The following CNGA2 variants were observed in gnomAD, a reference collection of about 807,000 sequenced individuals.
CNGA2 encodes cyclic nucleotide-gated channel alpha-2.
Under a neutral mutation model 35.9 loss-of-function variants are expected in CNGA2, and 22 were observed. That is an observed-to-expected ratio of 0.61 (90% CI 0.44 to 0.88). The LOEUF (loss-of-function observed/expected upper bound fraction) is 0.88, where lower values mean the gene tolerates loss of function less well. Ranked by LOEUF, CNGA2 falls within the 40% of genes least tolerant of loss-of-function variation. The pLI is 0.00. For missense variants in CNGA2, 555 were observed against 530.8 expected, an observed-to-expected ratio of 1.05 and a Z score of -0.45; for synonymous variants, 217 against 209.2, an observed-to-expected ratio of 1.04 and a Z score of -0.32.
In CNGA2 at chrX:151,743,412, G is replaced by A. The variant is rs1418730004; in HGVS notation, c.909G>A (p.Gly303=). ...CCATCTCCAAATCCATAGGCTTTGG[G>A]GTCGACACCTGGGTTTACCCAAACA... ...YYAISKSIGF[G]VDTWVYPNIT... The change falls in exon 7 of 7, where the codon GGG becomes GGA. Residue 303 remains glycine (G), a synonymous_variant. Transcript: ENST00000329903. 2 of 1,209,862 alleles carry A rather than the reference G, an allele frequency of 1.7e-6. No homozygotes were observed. Among genetic ancestry groups the A allele is most frequent in the South Asian group, 3.5e-5 (2 of 56,834 alleles).
rs771999167 is a variant in CNGA2 at position 151,743,323 on chromosome X, C to T, written c.820C>T (p.Arg274Cys). 58 of 1,205,348 alleles carry T rather than the reference C, an allele frequency of 4.8e-5. No individual in the cohort carries two copies. The highest frequency in any genetic ancestry group is 6.2e-5 in the Non-Finnish European group (55 of 894,296). ...ETRTNYPNIFRISNLVLYILV... is the reference protein window; with the variant it reads ...ETRTNYPNIFCISNLVLYILV... ...ACGCACCAACTACCCTAACATCTTC[C>T]GCATCAGCAACCTTGTCCTCTACAT... Residue 274 changes from arginine to cysteine, a missense_variant, in exon 7 of 7, where the codon CGC becomes TGC. Physicochemically the swap from Arg to Cys is radical, Grantham distance 180. Coordinates refer to ENST00000329903, the MANE Select transcript of CNGA2 (RefSeq NM_005140.3).
intron 5 of CNGA2, among the ~76,000 whole-genome samples, chrX:151,741,329 C>T (rs2015303500): frequency 8.9e-6 from 1 of 111,977 alleles, no homozygotes; most frequent in African/African-American, 3.3e-5. Flanking sequence ...ATGCTGTTTC[C>T]TCTAGAGAAA....
Position 151,745,237 on chromosome X carries a change from G to T in CNGA2, c.*739G>T, listed in dbSNP as rs2015365258. On this transcript the variant is annotated 3_prime_UTR_variant, in exon 7 of 7. Transcript: ENST00000329903. ...TAAAGAGGCCCTGAAAACTGCTGGT[G>T]GTGGGGAGACTCTTCAAGTTAATAT... 8.9e-6 allele frequency: 1 copy of T among 112,109 alleles called. No homozygotes were observed. Among genetic ancestry groups the T allele is most frequent in the Non-Finnish European group, 1.9e-5 (1 of 53,211 alleles). 9.2% of individuals were successfully genotyped at this position (112,109 alleles called of 1,213,427 possible). A position where few individuals can be genotyped will look rare whatever the true frequency, so the allele number is the denominator to read the frequency against.
rs1264241957 is a variant in CNGA2 at position 151,743,519 on chromosome X, G to A, written c.1016G>A (p.Gly339Glu). Reference sequence around the variant, plus strand: ...TCCACACTGACTCTCACTACCATTGGGGAGACACCACCCCCTGTAAAGGAT... The same window carrying A: ...TCCACACTGACTCTCACTACCATTGAGGAGACACCACCCCCTGTAAAGGAT... Reference protein sequence around the residue: ...YWSTLTLTTIGETPPPVKDEE... With the variant: ...YWSTLTLTTIEETPPPVKDEE... Residue 339 changes from glycine (G) to glutamate (E), a missense_variant, in exon 7 of 7, where the codon GGG (glycine) becomes GAG (glutamate). Coordinates refer to ENST00000329903, the MANE Select transcript of CNGA2 (RefSeq NM_005140.3). 1 of 1,210,838 alleles carries A rather than the reference G, an allele frequency of 8.3e-7. No individual in the cohort carries two copies. The highest frequency in any genetic ancestry group is 1.1e-6 in the Non-Finnish European group (1 of 895,340).
chrX:151,744,295 CAGG>C lies in CNGA2; in HGVS notation c.1795_1797del (p.Glu599del), dbSNP rs758724218. On this transcript the variant is annotated inframe_deletion, in exon 7 of 7. Transcript: ENST00000329903. ...GGCAACCAGCATGGAGGTCGACGTG[CAGG>C]AGAAGCTAGGGCAGCTGGAGACCAA... 1 of 1,210,889 alleles carries C rather than the reference CAGG, an allele frequency of 8.3e-7. No homozygotes were observed. Among genetic ancestry groups the C allele is most frequent in the South Asian group, 1.8e-5 (1 of 56,879 alleles).
At position 151,740,137 on chromosome X, in the gene CNGA2, G is replaced by A. The variant is rs187252311; in HGVS notation, c.374+405G>A. Among the ~76,000 whole-genome samples the A allele has an allele frequency of 3.4e-4, 38 of 112,100 alleles. No homozygotes were observed. The South Asian group carries it at 6.0e-3, about 18-fold the overall frequency. ...TCATGTAGAGGGATGGAGGAGAAGC[G>A]CTGAATGATGGAGCAGGATAGCATG... On this transcript the variant is annotated intron_variant, in intron 4 of 6. Transcript: ENST00000329903.
chrX:151,735,742 A>G (rs145476416), intron 1 of CNGA2, among the ~76,000 whole-genome samples: 1,589 of 111,431 alleles, frequency 0.014, 29 homozygotes, highest in African/African-American at 0.05. Context: ...CAAGACAGAG[A>G]ACCTTTGTCA....
At chrX:151,736,251 C>G (rs2015246709) in intron 1 of CNGA2, among the ~76,000 whole-genome samples, 1 of 111,631 alleles carries the variant, frequency 9.0e-6, no homozygotes, top group South Asian at 3.8e-4. Context: ...TAATGTAAAC[C>G]CTGGTGATCA....
At position 151,739,741 on chromosome X, in the gene CNGA2, G is replaced by C; in HGVS notation, c.374+9G>C. ...GAGGACAAAGGCACCAAGTACAGCTGTTCAGCCTATGGGACTCAAATGGGC... is the reference window on the plus strand; with the variant it reads ...GAGGACAAAGGCACCAAGTACAGCTCTTCAGCCTATGGGACTCAAATGGGC... On this transcript the variant is annotated intron_variant, in intron 4 of 6. Coordinates refer to ENST00000329903, the MANE Select transcript of CNGA2 (RefSeq NM_005140.3). 1.7e-6 allele frequency: 2 copies of C among 1,209,604 alleles called. No homozygotes were observed. The highest frequency in any genetic ancestry group is 2.2e-6 in the Non-Finnish European group (2 of 894,207).
At chrX:151,736,416 C>T (rs951074878) in intron 1 of CNGA2, among the ~76,000 whole-genome samples, 2 of 111,712 alleles carry the variant, frequency 1.8e-5, no homozygotes, top group Non-Finnish European at 3.8e-5. Context: ...TTTGTGGGGA[C>T]AATCTACTCA....
chrX:151,736,402 G>A (rs192157913), intron 1 of CNGA2, among the ~76,000 whole-genome samples: 7 of 111,980 alleles, frequency 6.3e-5, no homozygotes, highest in Admixed American at 3.8e-4. Context: ...GAACTTTGAC[G>A]CTTTTTGTGG....
chrX:151,742,453 G>A (rs1377738291), intron 5 of CNGA2, 83 bp from the exon 6 acceptor site: 2 of 698,888 alleles, frequency 2.9e-6, no homozygotes, highest in Admixed American at 5.0e-5. Flanking sequence ...CCCAAGCCCT[G>A]CACACAGTGA....
In CNGA2 at chrX:151,738,497, C is replaced by G; in HGVS notation, c.14C>G (p.Thr5Ser). The change falls in exon 2 of 7, where the codon ACC (threonine) becomes AGC (serine). Residue 5 changes from threonine to serine, a missense_variant. Transcript: ENST00000329903. The stretch of plus-strand genomic sequence containing the variant: ...TGTACATGGAGGATGACCGAAAAAA[C>G]CAATGGTGTGAAGAGCTCCCCAGCC... MTEK[T>S]NGVKSSPANN... is the part of the protein sequence containing the mutation. 1 of 1,210,750 alleles carries G rather than the reference C, an allele frequency of 8.3e-7. No individual in the cohort carries two copies.
At position 151,742,573 on chromosome X, in the gene CNGA2, G is replaced by A. The variant is rs759102423; in HGVS notation, c.520G>A (p.Val174Met). 2.5e-6 allele frequency: 3 copies of A among 1,208,187 alleles called. No homozygotes were observed. Among genetic ancestry groups the A allele is most frequent in the African/African-American group, 1.8e-5 (1 of 56,667 alleles). Residue 174 changes from valine to methionine, a missense_variant, in exon 6 of 7, where the codon GTG becomes ATG. Physicochemically the swap from Val to Met is conservative, Grantham distance 21 (BLOSUM62 1). Transcript: ENST00000329903. The stretch of plus-strand genomic sequence containing the variant: ...TGACCTACAGAAAGGCTACTACCTG[G>A]TGTGGCTGGTGCTGGATTATGTCTC... ...FSDLQKGYYL[V>M]WLVLDYVSDV...
chrX:151,736,265 G>A (rs770622815), intron 1 of CNGA2, among the ~76,000 whole-genome samples: 76 of 111,712 alleles, frequency 6.8e-4, no homozygotes, highest in Non-Finnish European at 1.2e-3. Flanking sequence ...GTGATCATGC[G>A]CCCACCTCCA....
At position 151,738,613 on chromosome X, in the gene CNGA2, G is replaced by A. The variant is rs2015271661; in HGVS notation, c.110+20G>A. 1 of 1,172,534 alleles carries A rather than the reference G, an allele frequency of 8.5e-7. No homozygotes were observed. On this transcript the variant is annotated intron_variant, in intron 2 of 6. Coordinates refer to ENST00000329903, the MANE Select transcript of CNGA2 (RefSeq NM_005140.3). ...CAGCAGGTGAGTCTGCATGGTATCA[G>A]GGAAGGTACAGAGGCTGCTACTTCT...
Position 151,739,561 on chromosome X carries a change from G to A in CNGA2, c.204-1G>A. 1 of 1,210,642 alleles carries A rather than the reference G, an allele frequency of 8.3e-7. No individual in the cohort carries two copies. The highest frequency in any genetic ancestry group is 1.1e-6 in the Non-Finnish European group (1 of 894,927). On this transcript the variant is annotated splice_acceptor_variant, in intron 3 of 6. Coordinates refer to ENST00000329903, the MANE Select transcript of CNGA2 (RefSeq NM_005140.3). LOFTEE classifies it high-confidence loss of function. ...TCATACTCTTTTTCTCTCACCTCTA[G>A]GATAGTTCGCCTGGTGGGGATCATC...
intron 5 of CNGA2, among the ~76,000 whole-genome samples, chrX:151,741,904 A>G (rs1297340478): frequency 4.5e-5 from 5 of 112,071 alleles, no homozygotes; most frequent in African/African-American, 1.3e-4. Context: ...GTCAGACTTA[A>G]CGGCTCTCCC....
chrX:151,743,319 C>T lies in CNGA2; in HGVS notation c.816C>T (p.Ile272=), dbSNP rs1325228799. The change falls in exon 7 of 7, where the codon ATC becomes ATT. Residue 272 remains isoleucine, a synonymous_variant. Transcript: ENST00000329903. ...RTETRTNYPN[I]FRISNLVLYI... ...AGACACGCACCAACTACCCTAACAT[C>T]TTCCGCATCAGCAACCTTGTCCTCT... The T allele has an allele frequency of 8.3e-7, 1 of 1,209,480 alleles. No individual in the cohort carries two copies. Among genetic ancestry groups the T allele is most frequent in the Non-Finnish European group, 1.1e-6 (1 of 895,109 alleles).
Sources: gnomAD v4.1 joint callset for allele counts (sites outside exome capture counted in the v4.1 genomes callset) on GRCh38, gnomAD v4.1.1 for gene constraint, MANE v1.5 for transcripts, NCBI Gene and HGNC (gene_info 2026-07-23, HGNC 2026-07-21) for gene names.